Variants in GREM2 observed in about 807,000 individuals in gnomAD.
GREM2 encodes gremlin-2.
GREM2 carries 11 observed loss-of-function variants against 14.2 expected under a neutral mutation model. That is an observed-to-expected ratio of 0.78 (90% confidence interval 0.49 to 1.28). The LOEUF (loss-of-function observed/expected upper bound fraction) is 1.28, where lower values mean the gene tolerates loss of function less well. Ranked by LOEUF, GREM2 falls within the 50% of genes most tolerant of loss-of-function variation. The pLI is 0.00. For synonymous variants in GREM2, 98 were observed against 97.6 expected (o/e 1.00, Z -0.02); for missense variants, 210 against 218.5 (o/e 0.96, Z 0.24).
intron 1 of GREM2, among the ~76,000 whole-genome samples, chr1:240,562,826 G>GT: frequency 6.7e-6 from 1 of 148,978 alleles, no homozygotes; most frequent in East Asian, 2.0e-4. Context: ...TTGTGTACAC[G>GT]TGAGTGTGTG....
intron 1 of GREM2, among the ~76,000 whole-genome samples, chr1:240,569,023 C>A (rs560305940): frequency 6.6e-6 from 1 of 152,170 alleles, no homozygotes; most frequent in South Asian, 2.1e-4. Flanking sequence ...TTCTGCACTC[C>A]AGCCTGGGTG....
chr1:240,529,925 TG>T (rs1678314785), intron 1 of GREM2, among the ~76,000 whole-genome samples: 1 of 152,210 alleles, frequency 6.6e-6, no homozygotes, highest in Non-Finnish European at 1.5e-5. Context: ...TTGAGGACTT[TG>T]AAAAGATATT....
At chr1:240,611,764 C>T (rs1305294662) in intron 1 of GREM2, 120 bp downstream of exon 1, 1 of 152,648 alleles carries the variant, frequency 6.6e-6, no homozygotes, top group African/African-American at 2.4e-5. Context: ...GAGACGTCCA[C>T]TCAGGGCTTT....
chr1:240,509,360 ATT>A (rs564246660), intron 1 of GREM2, among the ~76,000 whole-genome samples: 4,633 of 111,848 alleles, frequency 0.041, 55 homozygotes, highest in Middle Eastern at 0.057. Flanking sequence ...AGCTCATTTG[ATT>A]TTTTTTTTTT....
In GREM2 at chr1:240,493,212, C is replaced by A. The variant is rs760481887; in HGVS notation, c.264G>T (p.Arg88=). The A allele has an allele frequency of 6.2e-6, 10 of 1,614,086 alleles. No homozygotes were observed. The highest frequency in any genetic ancestry group is 8.5e-6 in the Non-Finnish European group (10 of 1,180,036). The stretch of plus-strand genomic sequence containing the variant: ...AGAAGCGGTTGAGGATGGTGCGGCT[C>A]CGGCAGCCCTCCTCGCTCACCGTCT... The part of the protein sequence containing the change: ...LRQTVSEEGC[R]SRTILNRFCY... The change falls in exon 2 of 2, where the codon CGG becomes CGT. Residue 88 remains arginine (R), a synonymous_variant. Coordinates refer to ENST00000318160, the MANE Select transcript of GREM2 (RefSeq NM_022469.4).
At chr1:240,591,863 CT>C (rs147453448) in intron 1 of GREM2, among the ~76,000 whole-genome samples, 15,246 of 152,140 alleles carry the variant, frequency 0.1, 872 homozygotes, top group African/African-American at 0.16. Flanking sequence ...AGGTATGGAG[CT>C]GTTTATGATG....
intron 1 of GREM2, among the ~76,000 whole-genome samples, chr1:240,494,876 G>C (rs1460648803): frequency 1.3e-5 from 2 of 152,078 alleles, no homozygotes; most frequent in Non-Finnish European, 1.5e-5. Flanking sequence ...ATTCCAGCCT[G>C]TGCGACAGAG....
intron 1 of GREM2, among the ~76,000 whole-genome samples, chr1:240,577,268 A>C (rs1679390211): frequency 6.6e-6 from 1 of 152,146 alleles, no homozygotes; most frequent in South Asian, 2.1e-4. Flanking sequence ...GTCGCAACTT[A>C]TTTCAACAAA....
chr1:240,560,273 T>C (rs1197678897), intron 1 of GREM2, among the ~76,000 whole-genome samples: 2 of 152,160 alleles, frequency 1.3e-5, no homozygotes, highest in African/African-American at 4.8e-5. Context: ...ACCAGTGCAG[T>C]TGGGTGATAC....
chr1:240,544,063 A>G (rs1422313393), intron 1 of GREM2, among the ~76,000 whole-genome samples: 4 of 152,280 alleles, frequency 2.6e-5, no homozygotes, highest in African/African-American at 9.6e-5. Context: ...GAAGTGATGT[A>G]TAGACACTGT....
intron 1 of GREM2, among the ~76,000 whole-genome samples, chr1:240,498,763 C>T (rs1019918520): frequency 6.6e-6 from 1 of 152,302 alleles, no homozygotes; most frequent in Admixed American, 6.5e-5. Flanking sequence ...CTGCCGGTAA[C>T]GACAGCACGA....
At chr1:240,532,993 C>T (rs1678397420) in intron 1 of GREM2, among the ~76,000 whole-genome samples, 2 of 152,176 alleles carry the variant, frequency 1.3e-5, no homozygotes, top group South Asian at 4.1e-4. Context: ...AGCAAGTCCT[C>T]ATGTACAGCA....
chr1:240,569,147 A>G (rs1011821652), intron 1 of GREM2, among the ~76,000 whole-genome samples: 2 of 152,228 alleles, frequency 1.3e-5, no homozygotes, highest in African/African-American at 4.8e-5. Flanking sequence ...CTGACAAAAG[A>G]TGTACAAATG....
At chr1:240,529,008 A>G (rs1246537023) in intron 1 of GREM2, among the ~76,000 whole-genome samples, 2 of 152,120 alleles carry the variant, frequency 1.3e-5, no homozygotes, top group Non-Finnish European at 2.9e-5. Flanking sequence ...AACACGATCA[A>G]AACTGTTTGG....
At chr1:240,545,291 C>T (rs79868135) in intron 1 of GREM2, among the ~76,000 whole-genome samples, 1,869 of 152,316 alleles carry the variant, frequency 0.012, 38 homozygotes, top group African/African-American at 0.043. Flanking sequence ...TGAGGGCTTT[C>T]GGATAGTTGG....
chr1:240,571,793 G>T (rs1437123978), intron 1 of GREM2, among the ~76,000 whole-genome samples: 1 of 152,158 alleles, frequency 6.6e-6, no homozygotes, highest in Non-Finnish European at 1.5e-5. Flanking sequence ...CTTTTCAGGG[G>T]TGCTTAGTGG....
chr1:240,539,489 G>A (rs1174140152), intron 1 of GREM2, among the ~76,000 whole-genome samples: 1 of 152,160 alleles, frequency 6.6e-6, no homozygotes, highest in Admixed American at 6.5e-5. Flanking sequence ...TTTTTCTTCT[G>A]TTATTAGATT....
At chr1:240,608,640 C>A (rs1478095425) in intron 1 of GREM2, among the ~76,000 whole-genome samples, 1 of 152,178 alleles carries the variant, frequency 6.6e-6, no homozygotes, top group Non-Finnish European at 1.5e-5. Context: ...TGTTCCCCTG[C>A]TTGAATAGGC....
chr1:240,495,259 T>A (rs1272235405), intron 1 of GREM2, among the ~76,000 whole-genome samples: 1 of 152,228 alleles, frequency 6.6e-6, no homozygotes, highest in Non-Finnish European at 1.5e-5. Context: ...TTATGTTTAC[T>A]CATTTTCTGT....
Sources: allele counts gnomAD v4.1 joint callset (sites outside exome capture counted in the v4.1 genomes callset), GRCh38; gene constraint gnomAD v4.1.1; transcripts MANE v1.5; gene names NCBI Gene and HGNC (gene_info 2026-07-23, HGNC 2026-07-21).